PKD1L3: variants seen among roughly 807,000 people sequenced by gnomAD.
PKD1L3 encodes the protein polycystin-1-like protein 3.
In PKD1L3, 239 loss-of-function variants were observed where a neutral mutation model predicts 184.1. The ratio of observed to expected loss-of-function variants is 1.30; its 90% CI spans 1.17 to 1.45. PKD1L3 has a LOEUF of 1.45. Ranked by LOEUF, PKD1L3 falls within the 40% of genes most tolerant of loss-of-function variation. The pLI is 0.00. For missense variants in PKD1L3, 2,660 were observed against 2,067.2 expected, an observed-to-expected ratio of 1.29 and a Z score of -5.56; for synonymous variants, 996 against 778.8, an observed-to-expected ratio of 1.28 and a Z score of -4.64.
At chr16:71,964,849 ATTTTT>A (rs35311851) in intron 15 of PKD1L3, among the ~76,000 whole-genome samples, 1 of 137,612 alleles carries the variant, frequency 7.3e-6, no homozygotes, top group Admixed American at 7.4e-5. Flanking sequence ...ATATATATGT[ATTTTT>A]TTTTTTTTTT....
intron 12 of PKD1L3, among the ~76,000 whole-genome samples, chr16:71,970,783 G>C (rs967776172): frequency 6.6e-6 from 1 of 152,118 alleles, no homozygotes; most frequent in African/African-American, 2.4e-5. Context: ...ATTCCACCCT[G>C]GGTGACAGAG....
intron 15 of PKD1L3, among the ~76,000 whole-genome samples, chr16:71,963,709 G>A (rs2039380652): frequency 6.6e-6 from 1 of 152,140 alleles, no homozygotes. Flanking sequence ...TTTGAGCCCG[G>A]GAGGTCAAGG....
intron 18 of PKD1L3, 98 bp downstream of exon 18, chr16:71,952,796 C>T (rs182215972): frequency 1.7e-5 from 22 of 1,295,902 alleles, no homozygotes; most frequent in Non-Finnish European, 1.0e-6. Context: ...CGAGGTTGCA[C>T]CACTACACTC....
intron 18 of PKD1L3, among the ~76,000 whole-genome samples, chr16:71,952,501 G>C (rs1382275625): frequency 6.7e-6 from 1 of 149,438 alleles, no homozygotes; most frequent in Non-Finnish European, 1.5e-5. Flanking sequence ...TTACAGGCGT[G>C]AGCCACCGTG....
intron 29 of PKD1L3, 91 bp from the exon 30 acceptor site, chr16:71,929,769 T>G: frequency 8.0e-7 from 1 of 1,242,806 alleles, no homozygotes. Context: ...TTTAAAAAAT[T>G]AGTAAATGTA....
At chr16:71,969,798 C>A in intron 13 of PKD1L3, 77 bp downstream of exon 13, 1 of 1,301,748 alleles carries the variant, frequency 7.7e-7, no homozygotes. Context: ...CTGCTTTTGA[C>A]GAAGGTGTTT....
rs148371669 is a variant in PKD1L3, at chr16:71,975,131, T to C, written c.1760-1614A>G. On this transcript the variant is annotated intron_variant, in intron 11 of 29. Coordinates refer to ENST00000620267, the MANE Select transcript of PKD1L3 (RefSeq NM_181536.2). ...AGTGCAGTGGTATCATCGAAACTCATTGTGGCTTTGAACTCCTTGGCTCAA... is the reference window on the plus strand; with the variant it reads ...AGTGCAGTGGTATCATCGAAACTCACTGTGGCTTTGAACTCCTTGGCTCAA... Among the ~76,000 whole-genome samples, 141 of 152,130 alleles carry C rather than the reference T, an allele frequency of 9.3e-4. No homozygotes were observed. In the East Asian group the frequency reaches 0.026, roughly 28 times the overall value.
intron 7 of PKD1L3, 24 bp downstream of exon 7, chr16:71,982,035 G>A: frequency 2.0e-6 from 3 of 1,524,412 alleles, no homozygotes; most frequent in Middle Eastern, 1.8e-4. Context: ...AGCAGATCTG[G>A]CCACCTGCAT....
At chr16:71,972,172 C>T (rs13330369) in intron 12 of PKD1L3, among the ~76,000 whole-genome samples, 8,767 of 151,698 alleles carry the variant, frequency 0.058, 830 homozygotes, top group African/African-American at 0.2. Flanking sequence ...GCCAAGATCG[C>T]GCCACTGCAC....
At chr16:71,975,456 A>G (rs900253861) in intron 11 of PKD1L3, among the ~76,000 whole-genome samples, 4 of 152,208 alleles carry the variant, frequency 2.6e-5, no homozygotes, top group African/African-American at 9.6e-5. Flanking sequence ...CTGAGATATC[A>G]TCAGGCCTTT....
intron 25 of PKD1L3, among the ~76,000 whole-genome samples, chr16:71,936,508 CTTT>C (rs1212505095): frequency 3.7e-5 from 5 of 135,598 alleles, no homozygotes; most frequent in Non-Finnish European, 6.4e-5. Context: ...TGGCCAATCA[CTTT>C]TTTTTTTCTT....
chr16:71,997,929 C>A (rs2040851246), intron 2 of PKD1L3, among the ~76,000 whole-genome samples: 1 of 152,184 alleles, frequency 6.6e-6, no homozygotes, highest in African/African-American at 2.4e-5. Flanking sequence ...TCTTCTCCTC[C>A]TTCTCTTTCC....
rs113391587 is a variant in PKD1L3, at chr16:71,986,215, G to A, written c.834+6C>T. ...GCTACCTGTGACTTGAATTTCCCAT[G>A]TTTACCTGACCAGATGCCTTCTGCA... On this transcript the variant is annotated splice_donor_region_variant and intron_variant, in intron 5 of 29. Transcript: ENST00000620267. 465 of 1,551,772 alleles carry A rather than the reference G, an allele frequency of 3.0e-4. No homozygotes were observed. The highest frequency in any genetic ancestry group is 3.7e-4 in the Admixed American group (19 of 50,976).
intron 4 of PKD1L3, 131 bp from the exon 5 acceptor site, chr16:71,986,600 TTC>T (rs1390192176): frequency 5.6e-6 from 6 of 1,067,994 alleles, no homozygotes; most frequent in Non-Finnish European, 7.8e-6. Context: ...TTAAAAAAAA[TTC>T]TGTGCTCAAA....
At chr16:71,972,360 A>C (rs375557562) in intron 12 of PKD1L3, among the ~76,000 whole-genome samples, 1 of 152,182 alleles carries the variant, frequency 6.6e-6, no homozygotes, top group East Asian at 1.9e-4. Context: ...AGATCATGCC[A>C]TTGCACTCCA....
At chr16:71,961,638 G>A (rs186219169) in intron 16 of PKD1L3, among the ~76,000 whole-genome samples, 16 of 152,112 alleles carry the variant, frequency 1.1e-4, no homozygotes, top group Admixed American at 5.2e-4. Flanking sequence ...CCTTGTGAGC[G>A]AATCATTTTT....
At position 71,997,162 on chromosome 16, in the gene PKD1L3, C is replaced by T. The variant is rs996771386; in HGVS notation, c.418+1110G>A. 2.6e-5 allele frequency among the ~76,000 whole-genome samples: 4 copies of T among 151,982 alleles called. No individual in the cohort carries two copies. In the East Asian group the frequency reaches 7.7e-4, roughly 29 times the overall value. ...CTGTTGACAGACATCTGAATTGTTT[C>T]CAGTTTTGTTCTGTTATGAATAAAG... On this transcript the variant is annotated intron_variant, in intron 2 of 29. Transcript: ENST00000620267.
intron 11 of PKD1L3, 26 bp downstream of exon 11, chr16:71,977,210 G>C (rs1485627134): frequency 6.8e-7 from 1 of 1,462,818 alleles, no homozygotes; most frequent in Non-Finnish European, 9.4e-7. Context: ...ATCAAAGTAA[G>C]TTTCTGACAG....
At chr16:71,976,405 G>A (rs772006550) in intron 11 of PKD1L3, among the ~76,000 whole-genome samples, 15 of 151,130 alleles carry the variant, frequency 9.9e-5, no homozygotes, top group East Asian at 5.8e-4. Context: ...ACAGGTGCCC[G>A]CCACCACACC....
Sources: gnomAD v4.1 joint callset for allele counts (sites outside exome capture counted in the v4.1 genomes callset) on GRCh38, gnomAD v4.1.1 for gene constraint, MANE v1.5 for transcripts, NCBI Gene and HGNC (gene_info 2026-07-23, HGNC 2026-07-21) for gene names.